The following TGFBR3 variants were observed in gnomAD, a reference collection of about 807,000 sequenced individuals.
The protein encoded by TGFBR3 is transforming growth factor beta receptor type 3.
A neutral mutation model predicts 87.9 loss-of-function variants in TGFBR3; 46 were observed. The observed-to-expected ratio is 0.52, with a 90% CI of 0.41 to 0.67. TGFBR3 has a LOEUF of 0.67. Ranked by LOEUF, TGFBR3 falls within the 30% of genes least tolerant of loss-of-function variation. TGFBR3 has a pLI of 0.00. For synonymous variants in TGFBR3, 381 were observed against 391.6 expected, an observed-to-expected ratio of 0.97 and a Z score of 0.32; for missense variants, 866 against 1,041.9, an observed-to-expected ratio of 0.83 and a Z score of 2.32.
chr1:91,816,010 C>G (rs1676210437), intron 2 of TGFBR3, among the ~76,000 whole-genome samples: 1 of 152,100 alleles, frequency 6.6e-6, no homozygotes, highest in Non-Finnish European at 1.5e-5. Context: ...TGGATGAGAA[C>G]CTCTCTGAAT....
At chr1:91,869,178 T>C (rs1476518495) in intron 1 of TGFBR3, among the ~76,000 whole-genome samples, 1 of 152,190 alleles carries the variant, frequency 6.6e-6, no homozygotes. Flanking sequence ...CAAGTTAAAC[T>C]TGGACACCTA....
intron 3 of TGFBR3, among the ~76,000 whole-genome samples, chr1:91,770,357 T>C (rs284190): frequency 1.3e-5 from 2 of 151,864 alleles, no homozygotes; most frequent in Non-Finnish European, 1.5e-5. Flanking sequence ...TAAACACCAA[T>C]TGAAAAAAAT....
At chr1:91,735,025 A>C in intron 4 of TGFBR3, 66 bp from the exon 5 acceptor site, 1 of 1,579,410 alleles carries the variant, frequency 6.3e-7, no homozygotes, top group Non-Finnish European at 8.7e-7. Flanking sequence ...AATTAGAGAA[A>C]GTACTTCTCA....
rs557137518 is a variant in TGFBR3, at chr1:91,702,218, A to G, written c.2288-4088T>C. 1.1e-4 allele frequency among the ~76,000 whole-genome samples: 16 copies of G among 152,350 alleles called. No homozygotes were observed. The East Asian group carries it at 2.9e-3, about 28-fold the overall frequency. The stretch of plus-strand genomic sequence containing the variant: ...CTTTGCACTAGGCTGTAAAGGCCTT[A>G]AAGACAAGATAATTTGTCCACTATA... On this transcript the variant is annotated intron_variant, in intron 14 of 16. Transcript: ENST00000212355.
chr1:91,718,203 C>A (rs1286748837), intron 10 of TGFBR3, among the ~76,000 whole-genome samples: 1 of 152,144 alleles, frequency 6.6e-6, no homozygotes, highest in Non-Finnish European at 1.5e-5. Flanking sequence ...AAAAGCAAGT[C>A]TTTTTAACTT....
intron 2 of TGFBR3, among the ~76,000 whole-genome samples, chr1:91,827,635 GAA>G (rs1277800573): frequency 6.6e-6 from 1 of 152,164 alleles, no homozygotes; most frequent in Non-Finnish European, 1.5e-5. Context: ...CATTAACGAA[GAA>G]AAAGTTACTG....
At chr1:91,841,759 A>C (rs1389123060) in intron 2 of TGFBR3, among the ~76,000 whole-genome samples, 2 of 142,510 alleles carry the variant, frequency 1.4e-5, no homozygotes, top group Non-Finnish European at 3.0e-5. Flanking sequence ...ACGCCACTGC[A>C]CTCCAGCCTG....
intron 14 of TGFBR3, among the ~76,000 whole-genome samples, chr1:91,698,479 G>A (rs1470824656): frequency 6.7e-6 from 1 of 150,126 alleles, no homozygotes; most frequent in Non-Finnish European, 1.5e-5. Flanking sequence ...TGCTTTTCCA[G>A]TGTAGTCTAA....
upstream of TGFBR3, among the ~76,000 whole-genome samples, chr1:91,888,116 G>A (rs904303583): frequency 2.0e-5 from 3 of 152,114 alleles, no homozygotes; most frequent in South Asian, 2.1e-4. Context: ...TAAGTCTCAC[G>A]AGATCTGATG....
chr1:91,686,970 TTCC>T (rs1469105474), intron 16 of TGFBR3, among the ~76,000 whole-genome samples: 1 of 152,180 alleles, frequency 6.6e-6, no homozygotes, highest in Non-Finnish European at 1.5e-5. Flanking sequence ...TCTTCCTGCT[TTCC>T]TCCTAAAATA....
At chr1:91,729,458 G>C (rs933098394) in intron 6 of TGFBR3, among the ~76,000 whole-genome samples, 18 of 152,210 alleles carry the variant, frequency 1.2e-4, no homozygotes, top group African/African-American at 4.3e-4. Flanking sequence ...ACCTTAGTCA[G>C]AGGTGATAAA....
intron 14 of TGFBR3, among the ~76,000 whole-genome samples, chr1:91,708,220 C>T (rs750953502): frequency 6.6e-6 from 1 of 152,180 alleles, no homozygotes; most frequent in Non-Finnish European, 1.5e-5. Flanking sequence ...GAATAATGTT[C>T]ACATATTCTC....
chr1:91,682,183 A>C lies in TGFBR3; in HGVS notation c.*1556T>G, dbSNP rs558071969. On this transcript the variant is annotated 3_prime_UTR_variant, in exon 17 of 17. Transcript: ENST00000212355. ...ACACTGCCCTAAGGTTTTAAGCTTC[A>C]TCAGGATTACCTACTGAGGTTCCAT... 2.2e-5 allele frequency: 10 copies of C among 454,094 alleles called. No individual in the cohort carries two copies. The highest frequency in any genetic ancestry group is 1.4e-4 in the South Asian group (9 of 64,476). 28.1% of individuals were successfully genotyped at this position (454,094 alleles called of 1,614,324 possible).
At chr1:91,858,623 A>C (rs943550858) in intron 2 of TGFBR3, among the ~76,000 whole-genome samples, 26 of 151,140 alleles carry the variant, frequency 1.7e-4, no homozygotes, top group African/African-American at 6.4e-4. Context: ...AAAAAAAAAA[A>C]AAAAAAAAAA....
At chr1:91,816,726 T>C (rs1168226424) in intron 2 of TGFBR3, among the ~76,000 whole-genome samples, 1 of 152,208 alleles carries the variant, frequency 6.6e-6, no homozygotes, top group Non-Finnish European at 1.5e-5. Flanking sequence ...TAATTTTACC[T>C]AGCAGTAAAG....
chr1:91,841,038 G>A (rs1011506079), intron 2 of TGFBR3, among the ~76,000 whole-genome samples: 7 of 151,976 alleles, frequency 4.6e-5, no homozygotes, highest in African/African-American at 7.2e-5. Flanking sequence ...CTTGAACTCC[G>A]GACCTCAGGT....
At chr1:91,770,491 A>G (rs284191) in intron 3 of TGFBR3, among the ~76,000 whole-genome samples, 63,865 of 151,996 alleles carry the variant, frequency 0.42, 14,153 homozygotes, top group African/African-American at 0.54. Flanking sequence ...TAGTAACTAA[A>G]ACAGAAATCT....
intron 4 of TGFBR3, among the ~76,000 whole-genome samples, chr1:91,737,894 G>C (rs972300562): frequency 2.0e-5 from 3 of 152,194 alleles, no homozygotes; most frequent in African/African-American, 7.2e-5. Context: ...CTGGGCCACA[G>C]GTGCCCAGAT....
chr1:91,840,771 T>C (rs976843524), intron 2 of TGFBR3, among the ~76,000 whole-genome samples: 2 of 152,124 alleles, frequency 1.3e-5, no homozygotes, highest in African/African-American at 2.4e-5. Flanking sequence ...TGGCAACAAA[T>C]ACTGTTGTTT....
Sources: gnomAD v4.1 joint callset for allele counts (sites outside exome capture counted in the v4.1 genomes callset) on GRCh38, gnomAD v4.1.1 for gene constraint, MANE v1.5 for transcripts, NCBI Gene and HGNC (gene_info 2026-07-23, HGNC 2026-07-21) for gene names.